ADGRL3: variants seen among roughly 807,000 people sequenced by gnomAD.
The protein encoded by ADGRL3 is calcium-independent alpha-latrotoxin receptor 3.
A neutral mutation model predicts 153.5 loss-of-function variants in ADGRL3; 62 were observed. The observed-to-expected ratio is 0.40, with a 90% confidence interval of 0.33 to 0.50. ADGRL3 has a LOEUF of 0.50. Ranked by LOEUF, ADGRL3 falls within the 20% of genes least tolerant of loss-of-function variation. The pLI, the probability that ADGRL3 is intolerant of heterozygous loss-of-function variation, is 0.47. For synonymous variants in ADGRL3, 710 were observed against 672.5 expected (o/e 1.06, Z -0.86); for missense variants, 1,641 against 1,859.4 (o/e 0.88, Z 2.16).
intron 1 of ADGRL3, among the ~76,000 whole-genome samples, chr4:61,253,691 C>CCCCACACACACA (rs1553885091): frequency 7.1e-6 from 1 of 140,396 alleles, no homozygotes; most frequent in Non-Finnish European, 1.6e-5. Flanking sequence ...ATGTTCAGTT[C>CCCCACACACACA]CACACACACA....
intron 4 of ADGRL3, among the ~76,000 whole-genome samples, chr4:61,543,230 G>A (rs1162685429): frequency 7.0e-6 from 1 of 142,192 alleles, no homozygotes; most frequent in Non-Finnish European, 1.5e-5. Flanking sequence ...AAAGGACTTT[G>A]CAGATGTGAT....
intron 4 of ADGRL3, among the ~76,000 whole-genome samples, chr4:61,578,144 A>G (rs950621160): frequency 2.6e-5 from 4 of 152,040 alleles, no homozygotes; most frequent in African/African-American, 9.7e-5. Context: ...ATTTCCTTAC[A>G]TATTTCCTAA....
intron 6 of ADGRL3, among the ~76,000 whole-genome samples, chr4:61,714,219 A>ACG (rs2096060778): frequency 2.4e-5 from 1 of 42,318 alleles, no homozygotes; most frequent in African/African-American, 1.4e-4. Flanking sequence ...CATGTAAAAT[A>ACG]CGCACACACA....
At chr4:61,743,813 A>C (rs944747879) in intron 8 of ADGRL3, among the ~76,000 whole-genome samples, 7 of 152,198 alleles carry the variant, frequency 4.6e-5, no homozygotes, top group African/African-American at 1.7e-4. Flanking sequence ...CTGCATTTCC[A>C]TCTGAGGTAC....
intron 1 of ADGRL3, among the ~76,000 whole-genome samples, chr4:61,246,480 T>C (rs1488423860): frequency 1.3e-5 from 2 of 152,050 alleles, no homozygotes; most frequent in Non-Finnish European, 2.9e-5. Flanking sequence ...ACAGGAGTTA[T>C]TTTTGTATAC....
intron 17 of ADGRL3, among the ~76,000 whole-genome samples, chr4:61,961,822 T>C (rs574121641): frequency 2.6e-5 from 4 of 152,338 alleles, no homozygotes; most frequent in African/African-American, 9.6e-5. Context: ...GCTAAAATTA[T>C]GGATTTGAAG....
intron 25 of ADGRL3, among the ~76,000 whole-genome samples, chr4:62,052,808 C>A (rs1734935335): frequency 1.3e-5 from 2 of 151,198 alleles, no homozygotes; most frequent in South Asian, 4.2e-4. Context: ...GATCTTTGTG[C>A]TCCTGAATTT....
At chr4:61,490,169 T>G (rs574778463) in intron 2 of ADGRL3, among the ~76,000 whole-genome samples, 1 of 152,228 alleles carries the variant, frequency 6.6e-6, no homozygotes, top group Admixed American at 6.5e-5. Context: ...AGTGAGATCT[T>G]AGCCATTCTT....
intron 18 of ADGRL3, 63 bp downstream of exon 18, chr4:61,979,835 A>T: frequency 8.1e-7 from 1 of 1,235,504 alleles, no homozygotes; most frequent in Non-Finnish European, 1.2e-6. Context: ...AGTAGCGCCA[A>T]TACTAAAAAT....
intron 18 of ADGRL3, among the ~76,000 whole-genome samples, chr4:61,981,316 A>G (rs894419187): frequency 6.6e-6 from 1 of 152,180 alleles, no homozygotes; most frequent in Non-Finnish European, 1.5e-5. Context: ...AGCCAATATT[A>G]TATTAAAATC....
intron 1 of ADGRL3, among the ~76,000 whole-genome samples, chr4:61,208,751 A>G (rs571533657): frequency 6.6e-6 from 1 of 152,124 alleles, no homozygotes; most frequent in Non-Finnish European, 1.5e-5. Context: ...AAAGACCCCA[A>G]TTGAATATTT....
chr4:61,891,366 A>T (rs1174933169), intron 9 of ADGRL3, among the ~76,000 whole-genome samples: 2 of 152,160 alleles, frequency 1.3e-5, no homozygotes, highest in Non-Finnish European at 2.9e-5. Context: ...TACCATTCAT[A>T]TGGAAAGGGA....
At chr4:61,430,436 A>G (rs2097342145) in intron 2 of ADGRL3, among the ~76,000 whole-genome samples, 1 of 152,226 alleles carries the variant, frequency 6.6e-6, no homozygotes, top group East Asian at 1.9e-4. Flanking sequence ...CTTCTGATTT[A>G]TAAAAGTATA....
chr4:61,240,630 T>C (rs1446172810), intron 1 of ADGRL3, among the ~76,000 whole-genome samples: 1 of 152,112 alleles, frequency 6.6e-6, no homozygotes, highest in African/African-American at 2.4e-5. Context: ...TTAACTCGAT[T>C]TTTTTAAACA....
intron 1 of ADGRL3, among the ~76,000 whole-genome samples, chr4:61,310,773 A>G (rs1267186968): frequency 7.0e-6 from 1 of 143,380 alleles, no homozygotes; most frequent in African/African-American, 2.6e-5. Flanking sequence ...CTTTCCTTTC[A>G]TCTGCTGCTT....
chr4:62,060,432 G>A (rs1022393583), intron 25 of ADGRL3, among the ~76,000 whole-genome samples: 1 of 151,748 alleles, frequency 6.6e-6, no homozygotes, highest in Non-Finnish European at 1.5e-5. Context: ...CTTTGAGGGA[G>A]TGTAAAGAAT....
At chr4:61,509,124 C>CTTTTTTT (rs57550950) in intron 3 of ADGRL3, among the ~76,000 whole-genome samples, 14 of 118,568 alleles carry the variant, frequency 1.2e-4, no homozygotes, top group African/African-American at 3.6e-4. Context: ...CATATCACAT[C>CTTTTTTT]TTTTTTTTTT....
intron 1 of ADGRL3, among the ~76,000 whole-genome samples, chr4:61,236,159 A>G (rs1752774876): frequency 6.6e-6 from 1 of 151,028 alleles, no homozygotes; most frequent in Admixed American, 6.6e-5. Context: ...ACAGGTGCCC[A>G]CCACTACACC....
At chr4:61,727,501 G>T (rs1287653401) in intron 6 of ADGRL3, among the ~76,000 whole-genome samples, 4 of 152,064 alleles carry the variant, frequency 2.6e-5, no homozygotes, top group Non-Finnish European at 1.5e-5. Flanking sequence ...AAAAACAAGA[G>T]ATCCTGAAAA....
Sources: allele counts gnomAD v4.1 joint callset (sites outside exome capture counted in the v4.1 genomes callset), GRCh38; gene constraint gnomAD v4.1.1; transcripts MANE v1.5; gene names NCBI Gene and HGNC (gene_info 2026-07-23, HGNC 2026-07-21).